MACROD2: variants seen among roughly 807,000 people sequenced by gnomAD.
MACROD2 encodes the protein mono-ADP ribosylhydrolase 2.
In MACROD2, 36 loss-of-function variants were observed where a neutral mutation model predicts 70.4. That is an observed-to-expected ratio of 0.51 (90% CI 0.39 to 0.68). The LOEUF is 0.68. Ranked by LOEUF, MACROD2 falls within the 30% of genes least tolerant of loss-of-function variation. MACROD2 has a pLI of 0.00. For missense variants in MACROD2, 496 were observed against 538.4 expected, an observed-to-expected ratio of 0.92 and a Z score of 0.78; for synonymous variants, 172 against 178.8, an observed-to-expected ratio of 0.96 and a Z score of 0.30.
At chr20:14,185,442 G>A (rs1385373149) in intron 3 of MACROD2, among the ~76,000 whole-genome samples, 3 of 152,030 alleles carry the variant, frequency 2.0e-5, no homozygotes, top group Non-Finnish European at 4.4e-5. Flanking sequence ...TTTGCTCTAA[G>A]ATCTAACATT....
At chr20:14,526,789 C>T (rs887631673) in intron 4 of MACROD2, among the ~76,000 whole-genome samples, 3 of 152,204 alleles carry the variant, frequency 2.0e-5, no homozygotes, top group Non-Finnish European at 4.4e-5. Flanking sequence ...TCCAAACCCA[C>T]GACAGTGTCT....
At chr20:15,036,855 TAAAG>T (rs1384523854) in intron 5 of MACROD2, among the ~76,000 whole-genome samples, 3 of 151,910 alleles carry the variant, frequency 2.0e-5, no homozygotes, top group African/African-American at 7.2e-5. Context: ...CTTCTTTTTA[TAAAG>T]ATTTAGTTAC....
At chr20:15,381,549 C>A (rs2146278954) in intron 6 of MACROD2, among the ~76,000 whole-genome samples, 1 of 152,106 alleles carries the variant, frequency 6.6e-6, no homozygotes, top group East Asian at 1.9e-4. Flanking sequence ...GTCTGTAATA[C>A]CATCTACTTG....
At chr20:15,292,432 C>T (rs2146109267) in intron 6 of MACROD2, among the ~76,000 whole-genome samples, 1 of 152,194 alleles carries the variant, frequency 6.6e-6, no homozygotes, top group African/African-American at 2.4e-5. Flanking sequence ...ATCACTCACC[C>T]CGTATTAGCT....
intron 5 of MACROD2, among the ~76,000 whole-genome samples, chr20:15,019,166 C>CGCGT (rs1160159977): frequency 6.6e-6 from 1 of 151,374 alleles, no homozygotes; most frequent in African/African-American, 2.4e-5. Context: ...CACACACACG[C>CGCGT]GCGCGCGCGC....
intron 6 of MACROD2, among the ~76,000 whole-genome samples, chr20:15,354,666 C>T (rs1192194359): frequency 2.0e-5 from 3 of 151,998 alleles, no homozygotes; most frequent in Non-Finnish European, 4.4e-5. Flanking sequence ...AAGTTTTAGG[C>T]ATAAAGACAT....
At chr20:14,044,405 G>T (rs6131549) in intron 2 of MACROD2, among the ~76,000 whole-genome samples, 50,967 of 151,972 alleles carry the variant, frequency 0.34, 9,696 homozygotes, top group South Asian at 0.48. Flanking sequence ...AGCTTCCACA[G>T]TGTGGAAGGG....
At chr20:14,214,762 C>T (rs2081601346) in intron 3 of MACROD2, among the ~76,000 whole-genome samples, 1 of 151,922 alleles carries the variant, frequency 6.6e-6, no homozygotes, top group Non-Finnish European at 1.5e-5. Context: ...CCATCCCACT[C>T]TTTCCCCCAA....
At chr20:14,134,449 G>A (rs191764103) in intron 3 of MACROD2, among the ~76,000 whole-genome samples, 108 of 152,244 alleles carry the variant, frequency 7.1e-4, no homozygotes, top group African/African-American at 2.6e-3. Flanking sequence ...CTACCTACAG[G>A]AGTCTAATAT....
chr20:15,344,152 T>C (rs2078138781), intron 6 of MACROD2, among the ~76,000 whole-genome samples: 2 of 152,182 alleles, frequency 1.3e-5, no homozygotes, highest in Admixed American at 1.3e-4. Context: ...CCAGCCTCAG[T>C]GATGAATACC....
intron 5 of MACROD2, among the ~76,000 whole-genome samples, chr20:14,874,190 TG>T (rs2073522126): frequency 2.0e-5 from 3 of 152,076 alleles, no homozygotes; most frequent in African/African-American, 2.4e-5. Flanking sequence ...TCATAACATT[TG>T]CATAATTTTT....
intron 2 of MACROD2, among the ~76,000 whole-genome samples, chr20:14,007,327 G>A (rs781207915): frequency 6.6e-6 from 1 of 152,062 alleles, no homozygotes; most frequent in African/African-American, 2.4e-5. Flanking sequence ...TGACCAAAGA[G>A]TCCTTTTTTT....
chr20:14,365,510 T>C (rs1280271273), intron 3 of MACROD2, among the ~76,000 whole-genome samples: 1 of 151,984 alleles, frequency 6.6e-6, no homozygotes, highest in Non-Finnish European at 1.5e-5. Context: ...TACCCTTTTT[T>C]CTTAGTCCAG....
At chr20:15,742,453 C>T (rs1170939957) in intron 8 of MACROD2, among the ~76,000 whole-genome samples, 1 of 152,194 alleles carries the variant, frequency 6.6e-6, no homozygotes, top group Non-Finnish European at 1.5e-5. Context: ...ATTTCCCCTT[C>T]AGTTTTCATT....
chr20:14,100,657 A>ATATATATTT (rs2054286711), intron 3 of MACROD2, among the ~76,000 whole-genome samples: 1 of 139,342 alleles, frequency 7.2e-6, no homozygotes, highest in African/African-American at 2.6e-5. Context: ...AATATATATA[A>ATATATATTT]ATATATATTT....
intron 4 of MACROD2, among the ~76,000 whole-genome samples, chr20:14,623,420 G>A (rs1432519720): frequency 6.6e-6 from 1 of 152,188 alleles, no homozygotes. Context: ...ACTTGCTAAT[G>A]ATAGAGAATT....
chr20:14,293,949 G>C (rs778644128), intron 3 of MACROD2, among the ~76,000 whole-genome samples: 1 of 151,712 alleles, frequency 6.6e-6, no homozygotes, highest in African/African-American at 2.4e-5. Flanking sequence ...TTCAAAAATG[G>C]TGAATGAATA....
intron 5 of MACROD2, among the ~76,000 whole-genome samples, chr20:15,022,128 T>G (rs1325419756): frequency 6.6e-6 from 1 of 152,094 alleles, no homozygotes; most frequent in African/African-American, 2.4e-5. Flanking sequence ...TTTTGGTGTC[T>G]ATTTTATTTA....
intron 8 of MACROD2, among the ~76,000 whole-genome samples, chr20:15,674,754 T>TTGTG (rs3071296): frequency 0.034 from 5,020 of 148,666 alleles, 182 homozygotes; most frequent in African/African-American, 0.094. Context: ...TGTGTGTGTG[T>TTGTG]TGTGTGTGTG....
Sources: gnomAD v4.1 joint callset for allele counts (sites outside exome capture counted in the v4.1 genomes callset) on GRCh38, gnomAD v4.1.1 for gene constraint, MANE v1.5 for transcripts, NCBI Gene and HGNC (gene_info 2026-07-23, HGNC 2026-07-21) for gene names.